MRPS6: variants seen among roughly 807,000 people sequenced by gnomAD.
MRPS6 encodes the protein small ribosomal subunit protein bS6m.
Under a neutral mutation model 13.1 loss-of-function variants are expected in MRPS6, and 6 were observed. That is an observed-to-expected ratio of 0.46 (90% CI 0.25 to 0.91). The LOEUF (loss-of-function observed/expected upper bound fraction) is 0.91, where lower values mean the gene tolerates loss of function less well. MRPS6 is among the 40% of genes least tolerant of loss of function. The pLI, the probability that MRPS6 is intolerant of heterozygous loss-of-function variation, is 0.18. For missense variants in MRPS6, 164 were observed against 155.6 expected, an observed-to-expected ratio of 1.05 and a Z score of -0.29; for synonymous variants, 61 against 56.5, an observed-to-expected ratio of 1.08 and a Z score of -0.36.
chr21:34,126,323 T>C (rs764146509), intron 2 of MRPS6, among the ~76,000 whole-genome samples: 3 of 152,226 alleles, frequency 2.0e-5, no homozygotes, highest in South Asian at 2.1e-4. Flanking sequence ...CTTGTAGTTA[T>C]GTGAGTCGAG....
rs773718366 is a variant in MRPS6, at chr21:34,096,708, G to A, written c.45+22963G>A. 2 of 1,613,950 alleles carry A rather than the reference G, an allele frequency of 1.2e-6. No individual in the cohort carries two copies. Among genetic ancestry groups the A allele is most frequent in the Non-Finnish European group, 1.7e-6 (2 of 1,179,976 alleles). On this transcript the variant is annotated intron_variant, in intron 1 of 2. Transcript: ENST00000399312. This position sits in a 1 kb window ranked among gnomAD's most constrained non-coding sequence, Gnocchi z 5.9. ...ATGTGACCAACCTGATAATAGGCCG[G>A]GCTTCATCAAAGACATCCATTATAT...
At chr21:34,074,083 C>T (rs1989259816) in intron 1 of MRPS6, among the ~76,000 whole-genome samples, 1 of 144,916 alleles carries the variant, frequency 6.9e-6, no homozygotes, top group African/African-American at 2.5e-5. Context: ...AGTGGAAGGT[C>T]CGCGGGAGGA....
chr21:34,102,944 C>T (rs1979313815), intron 1 of MRPS6: 1 of 999,644 alleles, frequency 1.0e-6, no homozygotes, highest in South Asian at 4.7e-5. Flanking sequence ...TTGGTAAATT[C>T]ACCCTGTTTC....
At position 34,096,759 on chromosome 21, in the gene MRPS6, G is replaced by A; in HGVS notation, c.45+23014G>A. On this transcript the variant is annotated intron_variant, in intron 1 of 2. Coordinates refer to ENST00000399312, the MANE Select transcript of MRPS6 (RefSeq NM_032476.4). This position sits in a 1 kb window ranked among gnomAD's most constrained non-coding sequence, Gnocchi z 5.9. The stretch of plus-strand genomic sequence containing the variant: ...GTATGTGGCCACAGGATTGTTTTGG[G>A]TCACGGGACTCATTACTGTAATTGT... The A allele has an allele frequency of 1.9e-6, 3 of 1,614,010 alleles. No individual in the cohort carries two copies. The highest frequency in any genetic ancestry group is 2.5e-6 in the Non-Finnish European group (3 of 1,179,976).
chr21:34,102,015 AC>A, intron 1 of MRPS6: 1 of 1,000,098 alleles, frequency 1.0e-6, no homozygotes, highest in Non-Finnish European at 1.2e-6. Context: ...ATATAGAGGA[AC>A]CCTTTTGTAC....
At chr21:34,090,612 G>A (rs1978636609) in intron 1 of MRPS6, among the ~76,000 whole-genome samples, 2 of 152,244 alleles carry the variant, frequency 1.3e-5, no homozygotes, top group Non-Finnish European at 2.9e-5. Context: ...AATTTGAAAG[G>A]AACTAATATC....
chr21:34,075,145 T>A (rs1330231522), intron 1 of MRPS6, among the ~76,000 whole-genome samples: 1 of 152,236 alleles, frequency 6.6e-6, no homozygotes, highest in Non-Finnish European at 1.5e-5. Flanking sequence ...TGGAAGTTGT[T>A]TAAGCCCTCC....
At chr21:34,110,346 C>G (rs1404257676) in intron 1 of MRPS6, among the ~76,000 whole-genome samples, 1 of 152,092 alleles carries the variant, frequency 6.6e-6, no homozygotes, top group East Asian at 1.9e-4. Flanking sequence ...CACCTGTAGT[C>G]CCAGCTACTC....
At chr21:34,118,713 C>T (rs1478028775) in intron 1 of MRPS6, among the ~76,000 whole-genome samples, 2 of 151,994 alleles carry the variant, frequency 1.3e-5, no homozygotes, top group Admixed American at 6.6e-5. Context: ...TGGGGTTTCG[C>T]CATGTTGGCC....
chr21:34,115,143 G>A (rs146378562), intron 1 of MRPS6, among the ~76,000 whole-genome samples: 22 of 152,284 alleles, frequency 1.4e-4, no homozygotes, highest in African/African-American at 5.1e-4. Context: ...TGGGTCCTTC[G>A]TTTTGGCCCA....
At chr21:34,075,709 A>G (rs565838588) in intron 1 of MRPS6, among the ~76,000 whole-genome samples, 2 of 152,364 alleles carry the variant, frequency 1.3e-5, no homozygotes, top group South Asian at 4.1e-4. Context: ...ATATTAAACA[A>G]TAGCTTCTCA....
rs185839510 is a variant in MRPS6 at position 34,127,885 on chromosome 21, C to T, written c.185+2405C>T. ...AGAAACAGTGGTTTTATTGGTTACA[C>T]GTTTAGCATTCAAAGTTTTGGCTCT... On this transcript the variant is annotated intron_variant, in intron 2 of 2. Coordinates refer to ENST00000399312, the MANE Select transcript of MRPS6 (RefSeq NM_032476.4). Among the ~76,000 whole-genome samples the T allele has an allele frequency of 5.9e-5, 9 of 152,312 alleles. No individual in the cohort carries two copies. The East Asian group carries it at 9.6e-4, about 16-fold the overall frequency.
At chr21:34,086,588 C>T (rs1044323686) in intron 1 of MRPS6, among the ~76,000 whole-genome samples, 5 of 151,578 alleles carry the variant, frequency 3.3e-5, no homozygotes, top group African/African-American at 7.3e-5. Context: ...CGTTCTTCAT[C>T]TTTATTTCAG....
intron 2 of MRPS6, among the ~76,000 whole-genome samples, chr21:34,126,711 A>C (rs1395578953): frequency 6.6e-6 from 1 of 152,208 alleles, no homozygotes; most frequent in East Asian, 1.9e-4. Flanking sequence ...TCCGAGAGTC[A>C]TTAGCGCAGT....
intron 1 of MRPS6, among the ~76,000 whole-genome samples, chr21:34,074,832 C>T (rs547127009): frequency 2.0e-5 from 3 of 152,334 alleles, no homozygotes; most frequent in African/African-American, 4.8e-5. Flanking sequence ...TTTGGTTGAA[C>T]TTAAGCTCAA....
intron 1 of MRPS6, among the ~76,000 whole-genome samples, chr21:34,074,213 C>T (rs1451186290): frequency 6.6e-6 from 1 of 150,772 alleles, no homozygotes. Context: ...CTGCCGCCGA[C>T]CGCCTCCGCT....
chr21:34,087,168 T>C (rs1431109812), intron 1 of MRPS6, among the ~76,000 whole-genome samples: 1 of 152,186 alleles, frequency 6.6e-6, no homozygotes, highest in African/African-American at 2.4e-5. Flanking sequence ...TGAATGAACA[T>C]ATTTGTCTAG....
At chr21:34,091,992 A>G (rs1192122592) in intron 1 of MRPS6, among the ~76,000 whole-genome samples, 1 of 152,208 alleles carries the variant, frequency 6.6e-6, no homozygotes, top group East Asian at 1.9e-4. Flanking sequence ...ATATAAATAT[A>G]AAAATACAAG....
At chr21:34,127,073 C>T (rs946027998) in intron 2 of MRPS6, among the ~76,000 whole-genome samples, 3 of 152,230 alleles carry the variant, frequency 2.0e-5, no homozygotes, top group Non-Finnish European at 4.4e-5. Context: ...GGGTTCCCCC[C>T]TGGCAAAGGT....
Sources: gnomAD v4.1 joint callset for allele counts (sites outside exome capture counted in the v4.1 genomes callset) on GRCh38, gnomAD v4.1.1 for gene constraint, Gnocchi (gnomAD v3.1) non-coding constraint, MANE v1.5 for transcripts, NCBI Gene and HGNC (gene_info 2026-07-23, HGNC 2026-07-21) for gene names.